LSM3: variants seen among roughly 807,000 people sequenced by gnomAD.
LSM3 encodes LSM3 homolog, U6 small nuclear RNA and mRNA degradation associated.
Under a neutral mutation model 15.4 loss-of-function variants are expected in LSM3, and 14 were observed. The ratio of observed to expected loss-of-function variants is 0.91; its 90% CI spans 0.60 to 1.42. LSM3 has a LOEUF of 1.42. Among genes scored for constraint, LSM3 ranks in the 40% most tolerant of loss-of-function variants. The probability of loss-of-function intolerance (pLI) is 0.00; values close to 1 mark genes in which losing one functional copy is unlikely to be tolerated. For synonymous variants in LSM3, 46 were observed against 45.1 expected, an observed-to-expected ratio of 1.02 and a Z score of -0.08; for missense variants, 88 against 127.9, an observed-to-expected ratio of 0.69 and a Z score of 1.50.
At chr3:14,188,349 C>G (rs778695985) in intron 3 of LSM3, among the ~76,000 whole-genome samples, 4 of 152,200 alleles carry the variant, frequency 2.6e-5, no homozygotes, top group Non-Finnish European at 5.9e-5. Context: ...ACCATATGGT[C>G]CATATCACCG....
intron 3 of LSM3, among the ~76,000 whole-genome samples, chr3:14,196,292 A>T (rs1053334500): frequency 4.9e-4 from 74 of 152,100 alleles, no homozygotes; most frequent in Non-Finnish European, 2.1e-4. Flanking sequence ...TGCTGCAGAG[A>T]TCAACGATAG....
At chr3:14,194,281 G>C (rs752826279) in intron 3 of LSM3, among the ~76,000 whole-genome samples, 5 of 152,180 alleles carry the variant, frequency 3.3e-5, no homozygotes, top group Non-Finnish European at 5.9e-5. Flanking sequence ...GAGCTCGAAC[G>C]CTGTGCTGGG....
At chr3:14,190,592 G>A (rs1467228224) in intron 3 of LSM3, among the ~76,000 whole-genome samples, 2 of 152,146 alleles carry the variant, frequency 1.3e-5, no homozygotes, top group African/African-American at 4.8e-5. Context: ...TTGGCTATTT[G>A]TCTGTTATTT....
chr3:14,186,321 A>G (rs527986586), intron 3 of LSM3, among the ~76,000 whole-genome samples: 26 of 152,374 alleles, frequency 1.7e-4, no homozygotes, highest in African/African-American at 4.8e-4. Flanking sequence ...CACCTTTTTA[A>G]TTGAGCCAGC....
chr3:14,195,954 T>A (rs992173163), intron 3 of LSM3, among the ~76,000 whole-genome samples: 2 of 151,432 alleles, frequency 1.3e-5, no homozygotes, highest in Non-Finnish European at 2.9e-5. Flanking sequence ...TGTGAGTTTT[T>A]TTTTTTTTTT....
intron 3 of LSM3, among the ~76,000 whole-genome samples, chr3:14,196,042 T>G (rs1267703731): frequency 6.7e-6 from 1 of 149,116 alleles, no homozygotes; most frequent in Non-Finnish European, 1.5e-5. Flanking sequence ...AAGCTCCGCC[T>G]CCCAGGTTCA....
rs1466638944 is a variant in LSM3, at chr3:14,199,023, C to T, written c.*907C>T. The T allele has an allele frequency of 6.6e-6, 1 of 152,274 alleles. No homozygotes were observed. Among genetic ancestry groups the T allele is most frequent in the East Asian group, 1.9e-4 (1 of 5,178 alleles). The allele number at this position is 152,274 out of a possible 1,614,324, so 9.4% of individuals were successfully genotyped here. On this transcript the variant is annotated 3_prime_UTR_variant, in exon 4 of 4. Transcript: ENST00000306024. ...AATATGGGAGAAAGGGGCAGAGGGA[C>T]ATTGTAAACATCAACCCTGCAGTAG...
In LSM3 at chr3:14,199,575, A is replaced by C. The variant is rs1697216577; in HGVS notation, c.*1459A>C. The C allele has an allele frequency of 6.6e-6, 1 of 152,202 alleles. No individual in the cohort carries two copies. Among genetic ancestry groups the C allele is most frequent in the African/African-American group, 2.4e-5 (1 of 41,428 alleles). The allele number at this position is 152,202 out of a possible 1,614,324, so 9.4% of individuals were successfully genotyped here. On this transcript the variant is annotated 3_prime_UTR_variant, in exon 4 of 4. Transcript: ENST00000306024. ...GGTACATGCCCCTGCAAGTTCATGG[A>C]GAAGAGAAAAACAAGTGTGGGTGAG...
intron 3 of LSM3, 123 bp downstream of exon 3, chr3:14,184,155 A>G: frequency 8.2e-7 from 1 of 1,218,136 alleles, no homozygotes; most frequent in South Asian, 2.3e-5. Flanking sequence ...AGTAGAGCAT[A>G]GCAATTAAAA....
chr3:14,184,182 C>T, intron 3 of LSM3, 150 bp downstream of exon 3: 1 of 1,064,654 alleles, frequency 9.4e-7, no homozygotes, highest in Non-Finnish European at 1.2e-6. Flanking sequence ...GTTCTGGCAT[C>T]TGACAGACCC....
intron 3 of LSM3, among the ~76,000 whole-genome samples, chr3:14,184,550 C>T (rs891081014): frequency 9.3e-5 from 14 of 150,258 alleles, no homozygotes; most frequent in African/African-American, 3.2e-4. Context: ...GTCAGGAGAT[C>T]GAGACCATCC....
chr3:14,187,347 C>T (rs570709751), intron 3 of LSM3, among the ~76,000 whole-genome samples: 3 of 152,334 alleles, frequency 2.0e-5, no homozygotes, highest in East Asian at 1.9e-4. Flanking sequence ...GCCTCTCTTG[C>T]GCCTAGAGTT....
chr3:14,192,500 T>A (rs1393416709), intron 3 of LSM3, among the ~76,000 whole-genome samples: 1 of 152,234 alleles, frequency 6.6e-6, no homozygotes, highest in African/African-American at 2.4e-5. Context: ...GATAGTTAGC[T>A]CTTCTTGCTG....
chr3:14,200,520 A>G lies in LSM3; in HGVS notation c.*2404A>G, dbSNP rs557648515. ...GAGCTGGTGACTGGTGGTTTCTGCA[A>G]TGAGGTGTCAGATTAGCCTAAGGGA... On this transcript the variant is annotated 3_prime_UTR_variant, in exon 4 of 4. Coordinates refer to ENST00000306024, the MANE Select transcript of LSM3 (RefSeq NM_014463.3). 4.6e-5 allele frequency: 7 copies of G among 152,292 alleles called. No individual in the cohort carries two copies. The highest frequency in any genetic ancestry group is 1.4e-4 in the African/African-American group (6 of 41,458). The allele number at this position is 152,292 out of a possible 1,614,324, so 9.4% of individuals were successfully genotyped here. A position where few individuals can be genotyped will look rare whatever the true frequency, so the allele number is the denominator to read the frequency against.
chr3:14,179,793 A>C (rs1321611498), intron 1 of LSM3, among the ~76,000 whole-genome samples: 1 of 152,256 alleles, frequency 6.6e-6, no homozygotes, highest in Non-Finnish European at 1.5e-5. Context: ...AGAAGCCAAT[A>C]TTTAAAGCTA....
At chr3:14,187,382 C>A (rs1317458721) in intron 3 of LSM3, among the ~76,000 whole-genome samples, 1 of 152,194 alleles carries the variant, frequency 6.6e-6, no homozygotes, top group African/African-American at 2.4e-5. Context: ...TAAGCAAAGT[C>A]TATTTAGTTA....
intron 1 of LSM3, among the ~76,000 whole-genome samples, chr3:14,180,746 C>G (rs1697026700): frequency 6.9e-6 from 1 of 145,276 alleles, no homozygotes; most frequent in South Asian, 2.2e-4. Flanking sequence ...GATTTTTAAT[C>G]TCAGTTCATA....
intron 3 of LSM3, among the ~76,000 whole-genome samples, chr3:14,193,508 GTCTT>G (rs1697160113): frequency 6.6e-6 from 1 of 152,040 alleles, no homozygotes; most frequent in Non-Finnish European, 1.5e-5. Flanking sequence ...CTTGTCTTCT[GTCTT>G]TATTTCATTA....
At position 14,198,178 on chromosome 3, in the gene LSM3, C is replaced by T; in HGVS notation, c.*62C>T. The T allele has an allele frequency of 8.3e-7, 1 of 1,205,674 alleles. No homozygotes were observed. Among genetic ancestry groups the T allele is most frequent in the Non-Finnish European group, 1.2e-6 (1 of 814,636 alleles). The allele number at this position is 1,205,674 out of a possible 1,614,324, so 74.7% of individuals were successfully genotyped here. A position where few individuals can be genotyped will look rare whatever the true frequency, so the allele number is the denominator to read the frequency against. On this transcript the variant is annotated 3_prime_UTR_variant, in exon 4 of 4. Coordinates refer to ENST00000306024, the MANE Select transcript of LSM3 (RefSeq NM_014463.3). Reference sequence around the variant, plus strand: ...TTGTACAGTGGCCTCTCTAAAAGTACAAAACATTCATAAGAGAAACCTGCA... The same window carrying T: ...TTGTACAGTGGCCTCTCTAAAAGTATAAAACATTCATAAGAGAAACCTGCA...
Sources: allele counts gnomAD v4.1 joint callset (sites outside exome capture counted in the v4.1 genomes callset), GRCh38; gene constraint gnomAD v4.1.1; transcripts MANE v1.5; gene names NCBI Gene and HGNC (gene_info 2026-07-23, HGNC 2026-07-21).